The following UNC79 variants were observed in gnomAD, a reference collection of about 807,000 sequenced individuals.
UNC79 encodes the protein unc-79 subunit of NALCN channel complex.
A neutral mutation model predicts 283.1 loss-of-function variants in UNC79; 37 were observed. The observed-to-expected ratio is 0.13, with a 90% CI of 0.10 to 0.17. UNC79 has a LOEUF of 0.17. Among genes scored for constraint, UNC79 ranks in the 10% least tolerant of loss-of-function variants. UNC79 has a pLI of 1.00. For synonymous variants in UNC79, 1,107 were observed against 1,200.2 expected, an observed-to-expected ratio of 0.92 and a Z score of 1.61; for missense variants, 2,272 against 3,211.1, an observed-to-expected ratio of 0.71 and a Z score of 7.07.
chr14:93,682,474 C>T, intron 41 of UNC79, 143 bp from the exon 45 acceptor site: 1 of 668,972 alleles, frequency 1.5e-6, no homozygotes. Flanking sequence ...AATGAACCAT[C>T]ATGATTAGCA....
chr14:93,501,462 T>C (rs952058923), intron 7 of UNC79, among the ~76,000 whole-genome samples: 1 of 151,736 alleles, frequency 6.6e-6, no homozygotes, highest in Admixed American at 6.6e-5. Context: ...GGCCAAGGTG[T>C]GCAAATCATG....
chr14:93,650,784 A>G lies in UNC79; in HGVS notation c.6084-2958A>G, dbSNP rs142736390. ...TCTTTTGCTGAGAAATGTTTAATTT[A>G]GGTGAATTCTAATGCATTAAAACAA... On this transcript the variant is annotated intron_variant, in intron 35 of 48. Transcript: ENST00000555664. Among the ~76,000 whole-genome samples, 154 of 152,290 alleles carry G rather than the reference A, an allele frequency of 1.0e-3. 1 individual carries two copies. The highest frequency in any genetic ancestry group is 3.6e-3 in the African/African-American group (148 of 41,578).
intron 7 of UNC79, among the ~76,000 whole-genome samples, chr14:93,511,480 G>A (rs931702710): frequency 1.1e-4 from 16 of 151,784 alleles, no homozygotes; most frequent in South Asian, 4.2e-4. Context: ...ACAGAGTCTC[G>A]CTTTGTCACC....
exon 22 of UNC79, chr14:93,586,815 A>C: frequency 2.5e-6 from 4 of 1,614,080 alleles, no homozygotes; most frequent in Non-Finnish European, 3.4e-6. Context: ...AATTGCCTGA[A>C]GATTCTCTGT....
chr14:93,613,045 T>C (rs1386709802), exon 27 of UNC79: 1 of 1,614,208 alleles, frequency 6.2e-7, no homozygotes, highest in Non-Finnish European at 8.5e-7. Flanking sequence ...AATGCGCCTG[T>C]CAACTTGCTT....
At chr14:93,387,450 T>G (rs1163233596) in intron 1 of UNC79, among the ~76,000 whole-genome samples, 2 of 152,228 alleles carry the variant, frequency 1.3e-5, no homozygotes, top group Admixed American at 6.5e-5. Context: ...CCATTAGCAT[T>G]TGTTTCATCA....
intron 24 of UNC79, 51 bp from the exon 25 acceptor site, chr14:93,600,518 G>A (rs779100286): frequency 7.0e-7 from 1 of 1,434,818 alleles, no homozygotes; most frequent in Non-Finnish European, 9.5e-7. Flanking sequence ...TAACTTAGAT[G>A]TTTATATCTG....
chr14:93,514,349 C>T (rs552655317), intron 7 of UNC79, among the ~76,000 whole-genome samples: 29 of 152,290 alleles, frequency 1.9e-4, no homozygotes, highest in African/African-American at 5.3e-4. Context: ...GTCTAGAGCA[C>T]GGTCTTTATT....
At chr14:93,383,516 G>A (rs2054707164) in intron 1 of UNC79, among the ~76,000 whole-genome samples, 1 of 152,162 alleles carries the variant, frequency 6.6e-6, no homozygotes, top group Admixed American at 6.5e-5. Flanking sequence ...CTGCACAATA[G>A]CATTATGTCT....
chr14:93,408,615 C>T (rs2055273452), intron 1 of UNC79, among the ~76,000 whole-genome samples: 1 of 152,084 alleles, frequency 6.6e-6, no homozygotes, highest in Non-Finnish European at 1.5e-5. Flanking sequence ...TTGCTTGAGC[C>T]CAGAAGGCCA....
intron 41 of UNC79, among the ~76,000 whole-genome samples, 172 bp from the exon 45 acceptor site, chr14:93,682,445 A>G (rs2073921838): frequency 6.6e-6 from 1 of 152,154 alleles, no homozygotes; most frequent in African/African-American, 2.4e-5. Context: ...TAGTACTGTG[A>G]TTCTGAGTTT....
chr14:93,625,072 C>G (rs1054902731), intron 30 of UNC79, among the ~76,000 whole-genome samples: 1 of 152,230 alleles, frequency 6.6e-6, no homozygotes, highest in Non-Finnish European at 1.5e-5. Flanking sequence ...AACCCTTCCC[C>G]TGTGTCCTAG....
At chr14:93,586,532 A>G in intron 20 of UNC79, 64 bp from the exon 21 acceptor site, 7 of 1,417,908 alleles carry the variant, frequency 4.9e-6, no homozygotes, top group Non-Finnish European at 6.8e-6. Context: ...TGATCTTGAT[A>G]AATTGATGAA....
intron 16 of UNC79, among the ~76,000 whole-genome samples, chr14:93,574,542 G>GAC (rs2063369166): frequency 6.6e-6 from 1 of 152,196 alleles, no homozygotes; most frequent in Non-Finnish European, 1.5e-5. Context: ...CTCTAATAAA[G>GAC]ATATGTATAA....
rs189920854 is a variant in UNC79 at position 93,705,002 on chromosome 14, T to A, written c.7590+336T>A. Among the ~76,000 whole-genome samples, 195 of 152,124 alleles carry A rather than the reference T, an allele frequency of 1.3e-3. 1 individual carries two copies. Among genetic ancestry groups the A allele is most frequent in the African/African-American group, 4.6e-3 (189 of 41,510 alleles). ...GTAATCCCAGCACTTTGAGAGGCCA[T>A]TGTGGGAGGTTTGCTTGAGGCCAGA... On this transcript the variant is annotated intron_variant, in intron 48 of 48. Coordinates refer to ENST00000555664, the Ensembl canonical transcript of UNC79.
chr14:93,385,770 C>T (rs1424508123), intron 1 of UNC79, among the ~76,000 whole-genome samples: 1 of 145,998 alleles, frequency 6.8e-6, no homozygotes, highest in Admixed American at 6.8e-5. Context: ...TGGAGCAAGA[C>T]TGTCCCCAAA....
intron 1 of UNC79, among the ~76,000 whole-genome samples, chr14:93,423,042 G>C (rs1235257287): frequency 1.6e-5 from 2 of 125,630 alleles, no homozygotes; most frequent in East Asian, 4.6e-4. Flanking sequence ...CAGCCTGGGG[G>C]ACAGAGCGAG....
intron 1 of UNC79, among the ~76,000 whole-genome samples, chr14:93,335,711 C>T (rs779870361): frequency 1.3e-4 from 20 of 152,090 alleles, no homozygotes; most frequent in East Asian, 3.9e-4. Context: ...AAGCCATGTG[C>T]GGTAGGAAAG....
intron 1 of UNC79, among the ~76,000 whole-genome samples, chr14:93,372,862 A>C (rs1013471134): frequency 6.6e-6 from 1 of 152,214 alleles, no homozygotes; most frequent in Non-Finnish European, 1.5e-5. Flanking sequence ...AGCAGAGTAC[A>C]TGTTCTTCTC....
Sources: allele counts gnomAD v4.1 joint callset (sites outside exome capture counted in the v4.1 genomes callset), GRCh38; gene constraint gnomAD v4.1.1; transcripts MANE v1.5; gene names NCBI Gene and HGNC (gene_info 2026-07-23, HGNC 2026-07-21).